Variants in CFAP53 observed in about 807,000 individuals in gnomAD.
The protein encoded by CFAP53 is cilia- and flagella-associated protein 53.
Under a neutral mutation model 59.7 loss-of-function variants are expected in CFAP53, and 62 were observed. The ratio of observed to expected loss-of-function variants is 1.04; its 90% CI spans 0.85 to 1.28. The LOEUF is 1.28. Among genes scored for constraint, CFAP53 ranks in the 50% most tolerant of loss-of-function variants. The pLI is 0.00. For synonymous variants in CFAP53, 218 were observed against 205.7 expected, an observed-to-expected ratio of 1.06 and a Z score of -0.51; for missense variants, 629 against 615.6, an observed-to-expected ratio of 1.02 and a Z score of -0.23.
At chr18:50,240,261 C>A (rs569630141) in intron 6 of CFAP53, among the ~76,000 whole-genome samples, 211 of 151,994 alleles carry the variant, frequency 1.4e-3, no homozygotes, top group African/African-American at 5.0e-3. Context: ...TGATCACCTA[C>A]CCCACCCTGA....
intron 7 of CFAP53, among the ~76,000 whole-genome samples, chr18:50,234,365 T>C (rs913511321): frequency 4.0e-4 from 61 of 152,346 alleles, no homozygotes; most frequent in African/African-American, 1.5e-3. Flanking sequence ...CGTTATCTCA[T>C]TAATGTTTAA....
chr18:50,229,049 C>A (rs1599110786), intron 7 of CFAP53, among the ~76,000 whole-genome samples: 1 of 151,940 alleles, frequency 6.6e-6, no homozygotes, highest in Admixed American at 6.6e-5. Context: ...GATCACACTA[C>A]TGCACCCCAG....
rs746903023 is a variant in CFAP53 at position 50,250,751 on chromosome 18, G to A, written c.996+7C>T. On this transcript the variant is annotated splice_region_variant and intron_variant, in intron 5 of 7. Transcript: ENST00000398545. ...AGCAGGTAGCAGGCACCAAAAAAAT[G>A]TCTTACTCTTTTTTGTTTCTTTTTA... 1 of 1,612,432 alleles carries A rather than the reference G, an allele frequency of 6.2e-7. No individual in the cohort carries two copies. Among genetic ancestry groups the A allele is most frequent in the South Asian group, 1.1e-5 (1 of 91,002 alleles).
chr18:50,249,203 C>CA (rs34676585), intron 5 of CFAP53, among the ~76,000 whole-genome samples: 11,616 of 104,854 alleles, frequency 0.11, 677 homozygotes, highest in African/African-American at 0.17. Flanking sequence ...AATTCTATCT[C>CA]AAAAAAAAAA....
At position 50,251,539 on chromosome 18, in the gene CFAP53, C is replaced by T; in HGVS notation, c.719G>A (p.Ser240Asn). ...TGTCGCCTGCCTTTGTGCCTTGATG[C>T]TGGTGATCTGGGCATTCAGCCCCAG... ...TRLGLNAQIT[S>N]IKAQRQATQL... Residue 240 changes from serine to asparagine, a missense_variant, in exon 4 of 8, where the codon AGC becomes AAC. Ser to Asn is a conservative substitution (Grantham distance 46). Coordinates refer to ENST00000398545, the MANE Select transcript of CFAP53 (RefSeq NM_145020.5). The T allele has an allele frequency of 6.2e-7, 1 of 1,614,192 alleles. No homozygotes were observed.
rs1047623038 is a variant in CFAP53 at position 50,266,381 on chromosome 18, G to A, written c.24C>T (p.Thr8=). ...TGGGGCCCTTAACCTCCCGCTGTAC[G>A]GTGCCAAACCGCTGGCTGTACATTT... MYSQRFG[T]VQREVKGPTP... is the part of the protein sequence containing the mutation. Residue 8 remains threonine, a synonymous_variant, in exon 1 of 8, where the codon ACC becomes ACT. Transcript: ENST00000398545. 2 of 1,614,272 alleles carry A rather than the reference G, an allele frequency of 1.2e-6. No individual in the cohort carries two copies. Among genetic ancestry groups the A allele is most frequent in the Non-Finnish European group, 1.7e-6 (2 of 1,180,052 alleles).
chr18:50,231,659 A>G (rs1399426421), intron 7 of CFAP53, among the ~76,000 whole-genome samples: 4 of 152,204 alleles, frequency 2.6e-5, no homozygotes, highest in Non-Finnish European at 4.4e-5. Flanking sequence ...TGTGGCTACT[A>G]TCCGGTGTTG....
In CFAP53 at chr18:50,232,015, T is replaced by C. The variant is rs1206657656; in HGVS notation, c.1317-4406A>G. 2.0e-5 allele frequency among the ~76,000 whole-genome samples: 3 copies of C among 152,314 alleles called. No homozygotes were observed. The East Asian group carries it at 5.8e-4, about 29-fold the overall frequency. The stretch of plus-strand genomic sequence containing the variant: ...GGCCATCCAGCATAAGGCCCCTGAG[T>C]GGCCGAGGGGACTTTCTTAATAGGT... On this transcript the variant is annotated intron_variant, in intron 7 of 7. Transcript: ENST00000398545.
chr18:50,239,664 A>C (rs1264148525), intron 6 of CFAP53, among the ~76,000 whole-genome samples: 4 of 152,222 alleles, frequency 2.6e-5, no homozygotes, highest in Non-Finnish European at 5.9e-5. Flanking sequence ...CTGTTTTTAT[A>C]ACAGATTTGT....
At chr18:50,254,778 C>T (rs2033832672) in intron 3 of CFAP53, among the ~76,000 whole-genome samples, 1 of 152,126 alleles carries the variant, frequency 6.6e-6, no homozygotes, top group Non-Finnish European at 1.5e-5. Flanking sequence ...GTAATCCAAG[C>T]TACTCGGGAG....
intron 7 of CFAP53, among the ~76,000 whole-genome samples, chr18:50,230,062 T>C (rs927325057): frequency 1.5e-4 from 23 of 152,140 alleles, no homozygotes; most frequent in Non-Finnish European, 8.8e-5. Context: ...CTGGCCTCTT[T>C]GTAGTTTCAA....
At chr18:50,247,747 C>T (rs980894393) in intron 5 of CFAP53, among the ~76,000 whole-genome samples, 2 of 152,110 alleles carry the variant, frequency 1.3e-5, no homozygotes, top group Non-Finnish European at 2.9e-5. Context: ...TATCAAAGTC[C>T]AGAATGGGGA....
At chr18:50,237,367 TACACACACACAC>T (rs757901571) in intron 7 of CFAP53, among the ~76,000 whole-genome samples, 1 of 63,918 alleles carries the variant, frequency 1.6e-5, no homozygotes, top group Admixed American at 2.5e-4. Context: ...CACATATATA[TACACACACACAC>T]ACACATACAC....
In CFAP53 at chr18:50,251,700, A is replaced by G; in HGVS notation, c.558T>C (p.Phe186=). ...VCEERKAQIA[F]NEELSRQKLV... ...GCTTTTGCCTGCTCAGCTCCTCATT[A>G]AATGCAATCTGTGCTTTCCGCTCCT... Residue 186 remains phenylalanine, a synonymous_variant, in exon 4 of 8, where the codon TTT becomes TTC. Transcript: ENST00000398545. 6.2e-7 allele frequency: 1 copy of G among 1,614,192 alleles called. No individual in the cohort carries two copies. The highest frequency in any genetic ancestry group is 8.5e-7 in the Non-Finnish European group (1 of 1,180,032).
intron 5 of CFAP53, among the ~76,000 whole-genome samples, chr18:50,245,713 C>G (rs1234344384): frequency 6.6e-6 from 1 of 152,234 alleles, no homozygotes; most frequent in Non-Finnish European, 1.5e-5. Flanking sequence ...TCAACACAAT[C>G]TTTACCAAAA....
intron 6 of CFAP53, among the ~76,000 whole-genome samples, chr18:50,239,526 TAAAC>T (rs1485132095): frequency 1.3e-5 from 2 of 152,196 alleles, no homozygotes; most frequent in African/African-American, 2.4e-5. Flanking sequence ...AAATTCATCT[TAAAC>T]AACCAGTTAC....
In CFAP53 at chr18:50,250,988, T is replaced by A. The variant is rs920791; in HGVS notation, c.778-12A>T. On this transcript the variant is annotated splice_polypyrimidine_tract_variant and intron_variant, in intron 4 of 7. Transcript: ENST00000398545. ...GCGTTGTTACTTTCCTAAGGTAGAA[T>A]CATAATAAAGATAATGCATCAGTAC... 499,862 of 1,607,288 alleles carry A rather than the reference T, an allele frequency of 0.31. 78,808 individuals carry two copies. The highest frequency in any genetic ancestry group is 0.37 in the African/African-American group (27,354 of 74,836).
At chr18:50,260,061 T>C (rs1568159453) in intron 3 of CFAP53, among the ~76,000 whole-genome samples, 1 of 152,242 alleles carries the variant, frequency 6.6e-6, no homozygotes, top group African/African-American at 2.4e-5. Context: ...CTTCTGATTA[T>C]ATAACACTAT....
Position 50,261,377 on chromosome 18 carries a change from GGTTT to G in CFAP53, c.300-144_300-141del, listed in dbSNP as rs1435591997. ...AGTCTTCCACAGAATAAGACTGGTT[GGTTT>G]GTTTTTTTGTTTTTGTTTTTGTTTT... is the stretch of plus-strand genomic sequence containing the variant. On this transcript the variant is annotated intron_variant, in intron 2 of 7. Transcript: ENST00000398545. The G allele has an allele frequency of 2.3e-5, 24 of 1,027,738 alleles. 1 individual carries two copies. In the East Asian group the frequency reaches 4.3e-4, roughly 19 times the overall value. The allele number at this position is 1,027,738 out of a possible 1,614,324, so 63.7% of individuals were successfully genotyped here. A position where few individuals can be genotyped will look rare whatever the true frequency, so the allele number is the denominator to read the frequency against.
Sources: gnomAD v4.1 joint callset for allele counts (sites outside exome capture counted in the v4.1 genomes callset) on GRCh38, gnomAD v4.1.1 for gene constraint, MANE v1.5 for transcripts, NCBI Gene and HGNC (gene_info 2026-07-23, HGNC 2026-07-21) for gene names.